The following TBC1D5 variants were observed in gnomAD, a reference collection of about 807,000 sequenced individuals.
TBC1D5 encodes the protein TBC1 domain family, member 5.
TBC1D5 carries 75 observed loss-of-function variants against 100.3 expected under a neutral mutation model. That is an observed-to-expected ratio of 0.75 (90% CI 0.62 to 0.91). TBC1D5 has a LOEUF of 0.91. TBC1D5 is among the 40% of genes least tolerant of loss of function. The probability of loss-of-function intolerance (pLI) is 0.00; values close to 1 mark genes in which losing one functional copy is unlikely to be tolerated. For missense variants in TBC1D5, 910 were observed against 942.4 expected, an observed-to-expected ratio of 0.97 and a Z score of 0.45; for synonymous variants, 323 against 325.6, an observed-to-expected ratio of 0.99 and a Z score of 0.09.
intron 8 of TBC1D5, among the ~76,000 whole-genome samples, chr3:17,391,440 C>G (rs965112923): frequency 3.3e-5 from 5 of 152,078 alleles, no homozygotes; most frequent in African/African-American, 1.2e-4. Context: ...TGCTCCCAAA[C>G]TCCTGATCCA....
At chr3:17,348,019 G>A (rs115627477) in intron 13 of TBC1D5, among the ~76,000 whole-genome samples, 1,896 of 151,982 alleles carry the variant, frequency 0.012, 37 homozygotes, top group African/African-American at 0.043. Flanking sequence ...ATAAAAAGTC[G>A]TCCATTAGAT....
At chr3:17,535,428 G>A (rs1030837608) in intron 2 of TBC1D5, among the ~76,000 whole-genome samples, 2 of 152,132 alleles carry the variant, frequency 1.3e-5, no homozygotes, top group East Asian at 1.9e-4. Flanking sequence ...TACAATTGCT[G>A]AAAAATTCAA....
chr3:17,531,460 T>G (rs568067504), intron 2 of TBC1D5, among the ~76,000 whole-genome samples: 2 of 152,318 alleles, frequency 1.3e-5, no homozygotes, highest in Non-Finnish European at 2.9e-5. Context: ...CCAACGACTT[T>G]CTTCACAGAA....
At chr3:17,326,887 G>A (rs1003614111) in intron 13 of TBC1D5, among the ~76,000 whole-genome samples, 2 of 152,150 alleles carry the variant, frequency 1.3e-5, no homozygotes, top group Non-Finnish European at 2.9e-5. Context: ...TAGTTGCTCA[G>A]GAGCCAAAAA....
At position 17,696,953 on chromosome 3, in the gene TBC1D5, C is replaced by G. The variant is rs375231151; in HGVS notation, c.-101+42390G>C. Among the ~76,000 whole-genome samples, 139 of 152,258 alleles carry G rather than the reference C, an allele frequency of 9.1e-4. No homozygotes were observed. The East Asian group carries it at 0.02, about 22-fold the overall frequency. On this transcript the variant is annotated intron_variant, in intron 1 of 21. Transcript: ENST00000253692. ...TGGGATGCAAGGCTGATTCAACATA[C>G]GCAAATCAATAAACATAATCCATCA...
At chr3:17,435,510 A>G (rs1366992084) in intron 3 of TBC1D5, among the ~76,000 whole-genome samples, 3 of 152,176 alleles carry the variant, frequency 2.0e-5, no homozygotes, top group African/African-American at 7.2e-5. Context: ...TAAAAGGGGG[A>G]AAAGCCCCTT....
At chr3:17,574,972 T>C (rs1242854968) in intron 2 of TBC1D5, among the ~76,000 whole-genome samples, 1 of 152,084 alleles carries the variant, frequency 6.6e-6, no homozygotes, top group East Asian at 1.9e-4. Context: ...GACAGAAATA[T>C]TTAAACACAA....
At chr3:17,228,454 G>GA (rs1442179794) in intron 17 of TBC1D5, among the ~76,000 whole-genome samples, 2 of 152,172 alleles carry the variant, frequency 1.3e-5, no homozygotes, top group Non-Finnish European at 2.9e-5. Context: ...TTAAAATGCA[G>GA]TACTCTGGAT....
intron 2 of TBC1D5, chr3:17,576,483 T>C (rs554913657): frequency 6.6e-6 from 1 of 152,064 alleles, no homozygotes; most frequent in Non-Finnish European, 1.5e-5. Flanking sequence ...CCTCTCCTTA[T>C]GTTGCATTTA....
intron 2 of TBC1D5, among the ~76,000 whole-genome samples, chr3:17,581,331 A>C (rs2096694897): frequency 6.6e-6 from 1 of 152,160 alleles, no homozygotes; most frequent in African/African-American, 2.4e-5. Flanking sequence ...TATACCTTTA[A>C]ATACCATCTA....
chr3:17,663,932 A>G (rs1490894330), intron 1 of TBC1D5, among the ~76,000 whole-genome samples: 2 of 152,224 alleles, frequency 1.3e-5, no homozygotes, highest in African/African-American at 4.8e-5. Context: ...TAGATGCAAA[A>G]AAAATCCCAT....
chr3:17,552,247 A>G (rs2096481046), intron 2 of TBC1D5, among the ~76,000 whole-genome samples: 1 of 152,152 alleles, frequency 6.6e-6, no homozygotes, highest in Non-Finnish European at 1.5e-5. Context: ...AGCTTTATAA[A>G]GCAAAGGAAC....
intron 2 of TBC1D5, among the ~76,000 whole-genome samples, chr3:17,543,497 G>A (rs952712054): frequency 3.3e-5 from 5 of 152,020 alleles, no homozygotes; most frequent in Non-Finnish European, 7.4e-5. Context: ...AATTAGCCAG[G>A]TGTGGTGGTG....
chr3:17,353,828 T>C (rs13318609), intron 13 of TBC1D5, among the ~76,000 whole-genome samples: 63,316 of 151,850 alleles, frequency 0.42, 13,910 homozygotes, highest in Middle Eastern at 0.5. Context: ...AGCTCCATTA[T>C]GGATTTCTGA....
intron 3 of TBC1D5, among the ~76,000 whole-genome samples, chr3:17,497,565 C>A (rs2095730186): frequency 6.6e-6 from 1 of 152,190 alleles, no homozygotes; most frequent in Admixed American, 6.5e-5. Context: ...GATTAAAAAT[C>A]TATCCCTTCA....
chr3:17,231,208 A>G (rs1204928000), intron 17 of TBC1D5, among the ~76,000 whole-genome samples: 1 of 152,186 alleles, frequency 6.6e-6, no homozygotes, highest in Non-Finnish European at 1.5e-5. Flanking sequence ...AAATTCATAA[A>G]TATCTCTTGA....
At chr3:17,251,955 C>G (rs2077217802) in intron 16 of TBC1D5, among the ~76,000 whole-genome samples, 1 of 152,172 alleles carries the variant, frequency 6.6e-6, no homozygotes. Context: ...TACTGAAATG[C>G]TCAATTGAAT....
chr3:17,316,170 G>T (rs546493999), intron 13 of TBC1D5, among the ~76,000 whole-genome samples: 20 of 152,214 alleles, frequency 1.3e-4, no homozygotes, highest in African/African-American at 4.8e-4. Flanking sequence ...TACACCCTTG[G>T]CTTCTCAGCC....
intron 2 of TBC1D5, among the ~76,000 whole-genome samples, chr3:17,615,149 T>C (rs2062037000): frequency 6.6e-6 from 1 of 152,136 alleles, no homozygotes; most frequent in African/African-American, 2.4e-5. Flanking sequence ...AATCATGTGG[T>C]TTTTGTTGTT....
Sources: allele counts gnomAD v4.1 joint callset (sites outside exome capture counted in the v4.1 genomes callset), GRCh38; gene constraint gnomAD v4.1.1; transcripts MANE v1.5; gene names NCBI Gene and HGNC (gene_info 2026-07-23, HGNC 2026-07-21).